The following PCSK5 variants were observed in gnomAD, a reference collection of about 807,000 sequenced individuals.
PCSK5 encodes prohormone convertase 5.
In PCSK5, 129 loss-of-function variants were observed where a neutral mutation model predicts 233.2. That is an observed-to-expected ratio of 0.55 (90% CI 0.48 to 0.64). The LOEUF is 0.64. Ranked by LOEUF, PCSK5 falls within the 30% of genes least tolerant of loss-of-function variation. The pLI is 0.00. For synonymous variants in PCSK5, 825 were observed against 879.2 expected, an observed-to-expected ratio of 0.94 and a Z score of 1.09; for missense variants, 2,076 against 2,430.1, an observed-to-expected ratio of 0.85 and a Z score of 3.06.
At chr9:76,222,631 A>G (rs554567094) in intron 20 of PCSK5, among the ~76,000 whole-genome samples, 3 of 152,170 alleles carry the variant, frequency 2.0e-5, no homozygotes, top group Admixed American at 6.5e-5. Flanking sequence ...TTCATTTAGC[A>G]TAGTGTCTTC....
chr9:76,275,120 T>A (rs963308103), intron 24 of PCSK5, among the ~76,000 whole-genome samples: 11 of 152,304 alleles, frequency 7.2e-5, no homozygotes, highest in African/African-American at 2.2e-4. Context: ...ATCCTTTTTT[T>A]AAAAATATTG....
chr9:76,271,129 C>T (rs1420870830), intron 24 of PCSK5, among the ~76,000 whole-genome samples: 2 of 152,142 alleles, frequency 1.3e-5, no homozygotes, highest in Non-Finnish European at 2.9e-5. Flanking sequence ...TCCCCCTTTC[C>T]TTGGGCTTCG....
At chr9:76,208,084 A>G (rs1274338668) in intron 20 of PCSK5, among the ~76,000 whole-genome samples, 1 of 152,082 alleles carries the variant, frequency 6.6e-6, no homozygotes, top group East Asian at 1.9e-4. Flanking sequence ...ACCGTAACGA[A>G]CCCACTTTCA....
intron 3 of PCSK5, among the ~76,000 whole-genome samples, chr9:76,004,212 G>A (rs1437009245): frequency 6.6e-6 from 1 of 152,026 alleles, no homozygotes; most frequent in African/African-American, 2.4e-5. Context: ...ATGAGGCCAG[G>A]CTTATGGTTT....
chr9:76,101,760 G>T (rs1399180428), intron 8 of PCSK5, among the ~76,000 whole-genome samples: 2 of 152,120 alleles, frequency 1.3e-5, no homozygotes, highest in Non-Finnish European at 2.9e-5. Context: ...CTCAGAGTTG[G>T]CCTGAAAAAC....
At chr9:76,279,517 A>C (rs1380725518) in intron 24 of PCSK5, among the ~76,000 whole-genome samples, 2 of 151,994 alleles carry the variant, frequency 1.3e-5, no homozygotes, top group East Asian at 3.9e-4. Context: ...GAACTAGTTT[A>C]CAGTCCCACC....
In PCSK5 at chr9:76,328,159, C is replaced by T. The variant is rs763060367; in HGVS notation, c.4490C>T (p.Pro1497Leu). ...GATGAGGATGCTCCCGGGTGCAAGC[C>T]CTGCCATGTTAAGTGCTTCCACTGC... The part of the protein sequence containing the change: ...YWDEDAPGCK[P>L]CHVKCFHCMG... Residue 1497 changes from proline (P) to leucine (L), a missense_variant, in exon 33 of 38, where the codon CCC becomes CTC. Around this residue, in one of 6 missense-constraint regions of PCSK5, gnomAD observed 1,510 missense variants for 1,538.1 expected, o/e 0.98. Transcript: ENST00000674117. 1 of 1,612,810 alleles carries T rather than the reference C, an allele frequency of 6.2e-7. No individual in the cohort carries two copies. The highest frequency in any genetic ancestry group is 8.5e-7 in the Non-Finnish European group (1 of 1,179,850).
chr9:76,267,366 G>A (rs914783668), intron 24 of PCSK5, among the ~76,000 whole-genome samples: 1 of 152,130 alleles, frequency 6.6e-6, no homozygotes, highest in Non-Finnish European at 1.5e-5. Context: ...TCACGGTGGG[G>A]CAAAGCTCTC....
At chr9:76,174,635 A>G (rs765060231) in intron 13 of PCSK5, among the ~76,000 whole-genome samples, 9 of 152,116 alleles carry the variant, frequency 5.9e-5, no homozygotes, top group African/African-American at 1.4e-4. Flanking sequence ...TACCTAGAAA[A>G]ACAAAGCCTT....
chr9:75,939,415 A>G (rs945417912), intron 2 of PCSK5, among the ~76,000 whole-genome samples: 2 of 152,198 alleles, frequency 1.3e-5, no homozygotes, highest in Non-Finnish European at 2.9e-5. Flanking sequence ...TTTAGAAACA[A>G]TAGTCTGAGT....
intron 10 of PCSK5, among the ~76,000 whole-genome samples, chr9:76,139,183 A>G (rs1823098849): frequency 6.6e-6 from 1 of 152,154 alleles, no homozygotes; most frequent in Non-Finnish European, 1.5e-5. Context: ...AACACTTATT[A>G]AAAAGAATTC....
chr9:76,290,338 CAT>C (rs1765005687), intron 24 of PCSK5, among the ~76,000 whole-genome samples: 1 of 152,184 alleles, frequency 6.6e-6, no homozygotes, highest in Non-Finnish European at 1.5e-5. Flanking sequence ...TTTTCTTTCC[CAT>C]GGTCACCTCT....
intron 32 of PCSK5, 26 bp downstream of exon 32, chr9:76,323,314 G>A (rs1303555805): frequency 1.4e-6 from 2 of 1,395,408 alleles, no homozygotes; most frequent in Non-Finnish European, 2.0e-6. Flanking sequence ...ATTCAAAATA[G>A]GCTCCGGGGT....
intron 24 of PCSK5, among the ~76,000 whole-genome samples, chr9:76,251,260 C>T (rs573011754): frequency 4.6e-5 from 7 of 151,530 alleles, no homozygotes; most frequent in Non-Finnish European, 1.0e-4. Flanking sequence ...GAGTTAGACC[C>T]CATCTCTAAA....
chr9:76,006,736 A>T (rs1417088027), intron 3 of PCSK5, among the ~76,000 whole-genome samples: 1 of 152,234 alleles, frequency 6.6e-6, no homozygotes, highest in Non-Finnish European at 1.5e-5. Context: ...TGGACAAAAC[A>T]CATCGGCTAG....
At chr9:76,181,277 G>C (rs1823860985) in intron 15 of PCSK5, 121 bp from the exon 16 acceptor site, 13 of 740,748 alleles carry the variant, frequency 1.8e-5, no homozygotes, top group Admixed American at 2.8e-5. Context: ...TGTGGTGTTG[G>C]CATCCTGGTT....
At chr9:75,972,096 T>C (rs1825835416) in intron 2 of PCSK5, among the ~76,000 whole-genome samples, 1 of 152,264 alleles carries the variant, frequency 6.6e-6, no homozygotes, top group African/African-American at 2.4e-5. Flanking sequence ...TTTCTGCATA[T>C]GGCTAGCCAG....
At chr9:76,070,108 C>T (rs1397562367) in intron 6 of PCSK5, among the ~76,000 whole-genome samples, 2 of 149,846 alleles carry the variant, frequency 1.3e-5, no homozygotes, top group African/African-American at 4.9e-5. Context: ...TCATGCCATT[C>T]TTCTGCCTCA....
chr9:76,046,990 A>G (rs1197282963), intron 5 of PCSK5, among the ~76,000 whole-genome samples: 1 of 152,258 alleles, frequency 6.6e-6, no homozygotes, highest in Non-Finnish European at 1.5e-5. Flanking sequence ...AATGGCTTCC[A>G]GCCATGGACT....
Sources: allele counts gnomAD v4.1 joint callset (sites outside exome capture counted in the v4.1 genomes callset), GRCh38; gene constraint gnomAD v4.1.1; regional missense constraint gnomAD v4.1.1; transcripts MANE v1.5; gene names NCBI Gene and HGNC (gene_info 2026-07-23, HGNC 2026-07-21).